Variants in EDIL3 observed in about 807,000 individuals in gnomAD.
EDIL3 encodes the protein EGF-like repeat and discoidin I-like domain-containing protein 3.
In EDIL3, 37 loss-of-function variants were observed where a neutral mutation model predicts 67.4. The observed-to-expected ratio is 0.55, with a 90% CI of 0.42 to 0.72. The LOEUF is 0.72. EDIL3 is among the 30% of genes least tolerant of loss of function. The probability of loss-of-function intolerance (pLI) is 0.00; values close to 1 mark genes in which losing one functional copy is unlikely to be tolerated. For synonymous variants in EDIL3, 195 were observed against 196.3 expected, an observed-to-expected ratio of 0.99 and a Z score of 0.05; for missense variants, 527 against 586.3, an observed-to-expected ratio of 0.90 and a Z score of 1.04.
chr5:84,194,271 G>C (rs1282114775), intron 3 of EDIL3, among the ~76,000 whole-genome samples: 1 of 151,830 alleles, frequency 6.6e-6, no homozygotes, highest in Admixed American at 6.6e-5. Context: ...TGCTATCAAT[G>C]TTGTGTTCTC....
intron 2 of EDIL3, among the ~76,000 whole-genome samples, chr5:84,233,144 A>T (rs1744615378): frequency 6.6e-6 from 1 of 152,186 alleles, no homozygotes; most frequent in South Asian, 2.1e-4. Context: ...CAGCATTTAG[A>T]AGAATGTACT....
chr5:84,202,199 T>C (rs181238632), intron 3 of EDIL3, among the ~76,000 whole-genome samples: 15 of 152,286 alleles, frequency 9.8e-5, no homozygotes, highest in African/African-American at 3.6e-4. Flanking sequence ...TAATTTATCA[T>C]GTTTTCTTCC....
intron 3 of EDIL3, among the ~76,000 whole-genome samples, chr5:84,209,134 CA>C (rs951684238): frequency 6.6e-6 from 1 of 151,458 alleles, no homozygotes; most frequent in Admixed American, 6.6e-5. Flanking sequence ...GACAAAAAAC[CA>C]AACACCGCAT....
At chr5:84,230,878 T>C (rs1446600706) in intron 2 of EDIL3, among the ~76,000 whole-genome samples, 1 of 151,640 alleles carries the variant, frequency 6.6e-6, no homozygotes, top group African/African-American at 2.4e-5. Flanking sequence ...GGAACCTGCA[T>C]TTTAAAGAGT....
intron 9 of EDIL3, among the ~76,000 whole-genome samples, chr5:84,051,285 A>G (rs1434872730): frequency 1.3e-5 from 2 of 152,238 alleles, no homozygotes. Flanking sequence ...ACAAACAGAA[A>G]GGACATCCAC....
chr5:84,200,677 A>G (rs1743811931), intron 3 of EDIL3, among the ~76,000 whole-genome samples: 2 of 152,092 alleles, frequency 1.3e-5, no homozygotes, highest in Admixed American at 1.3e-4. Context: ...TAATTATTCT[A>G]ATAGCACTGA....
intron 1 of EDIL3, among the ~76,000 whole-genome samples, chr5:84,325,763 T>G (rs1391277257): frequency 6.6e-6 from 1 of 152,030 alleles, no homozygotes; most frequent in Non-Finnish European, 1.5e-5. Context: ...TGAATGAGTA[T>G]CAAAATGTGG....
chr5:83,968,549 G>A (rs1744736334), intron 9 of EDIL3, among the ~76,000 whole-genome samples: 1 of 151,920 alleles, frequency 6.6e-6, no homozygotes, highest in African/African-American at 2.4e-5. Context: ...TACGACACAT[G>A]TATGGTGCAA....
intron 4 of EDIL3, among the ~76,000 whole-genome samples, chr5:84,161,914 T>C (rs1489452871): frequency 6.6e-6 from 1 of 152,164 alleles, no homozygotes; most frequent in African/African-American, 2.4e-5. Flanking sequence ...GAACTCTAAA[T>C]TTAGAACTAG....
chr5:84,327,120 T>C (rs914840593), intron 1 of EDIL3, among the ~76,000 whole-genome samples: 1 of 151,924 alleles, frequency 6.6e-6, no homozygotes, highest in East Asian at 1.9e-4. Context: ...TATTTTGTAG[T>C]GAGAACTCAT....
chr5:84,362,040 A>C (rs1235001819), intron 1 of EDIL3, among the ~76,000 whole-genome samples: 1 of 152,114 alleles, frequency 6.6e-6, no homozygotes, highest in Non-Finnish European at 1.5e-5. Flanking sequence ...AATGAACTTA[A>C]TGTAGAATAC....
chr5:84,346,866 G>A (rs1747250385), intron 1 of EDIL3, among the ~76,000 whole-genome samples: 1 of 152,206 alleles, frequency 6.6e-6, no homozygotes. Context: ...ACAGAACCAA[G>A]AGATGGACTG....
chr5:84,105,275 G>A (rs1417492079), intron 6 of EDIL3, among the ~76,000 whole-genome samples: 5 of 152,020 alleles, frequency 3.3e-5, no homozygotes, highest in African/African-American at 1.2e-4. Flanking sequence ...TGTAACTTAA[G>A]AAGCAATTTT....
intron 9 of EDIL3, among the ~76,000 whole-genome samples, chr5:83,970,643 G>GTATA (rs70975530): frequency 0.016 from 1,808 of 115,650 alleles, 22 homozygotes; most frequent in African/African-American, 0.038. Flanking sequence ...TAGGATCACA[G>GTATA]TATATATATA....
intron 6 of EDIL3, among the ~76,000 whole-genome samples, chr5:84,078,475 T>C (rs866292801): frequency 6.6e-6 from 1 of 152,190 alleles, no homozygotes; most frequent in Non-Finnish European, 1.5e-5. Context: ...TATAACATCA[T>C]GTACTCTCCA....
chr5:84,012,411 T>C (rs1402511492), intron 9 of EDIL3, among the ~76,000 whole-genome samples: 3 of 152,196 alleles, frequency 2.0e-5, no homozygotes. Flanking sequence ...TCACTGCAAC[T>C]GATCAATTCC....
At chr5:84,329,780 ATAAT>A (rs1161121472) in intron 1 of EDIL3, among the ~76,000 whole-genome samples, 1 of 152,154 alleles carries the variant, frequency 6.6e-6, no homozygotes, top group Non-Finnish European at 1.5e-5. Flanking sequence ...GATAAACATA[ATAAT>A]TAACATTTTC....
chr5:84,133,464 CAA>C (rs5869210), intron 5 of EDIL3, among the ~76,000 whole-genome samples: 36,502 of 86,578 alleles, frequency 0.42, 4,511 homozygotes, highest in South Asian at 0.47. Flanking sequence ...ACTAAAAATA[CAA>C]AAAAAAAAAA....
At chr5:84,352,598 G>A (rs1356744664) in intron 1 of EDIL3, among the ~76,000 whole-genome samples, 7 of 151,998 alleles carry the variant, frequency 4.6e-5, no homozygotes, top group Non-Finnish European at 8.8e-5. Context: ...GGGTACACAC[G>A]GACATACAGA....
Sources: allele counts gnomAD v4.1 joint callset (sites outside exome capture counted in the v4.1 genomes callset), GRCh38; gene constraint gnomAD v4.1.1; transcripts MANE v1.5; gene names NCBI Gene and HGNC (gene_info 2026-07-23, HGNC 2026-07-21).